CCDC14: variants seen among roughly 807,000 people sequenced by gnomAD.
CCDC14 encodes the protein coiled-coil domain containing 14, also known as coiled-coil domain-containing protein 14.
A neutral mutation model predicts 81.4 loss-of-function variants in CCDC14; 71 were observed. That is an observed-to-expected ratio of 0.87 (90% CI 0.72 to 1.06). CCDC14 has a LOEUF of 1.06. Among genes scored for constraint, CCDC14 ranks in the 50% least tolerant of loss-of-function variants. CCDC14 has a pLI of 0.00. For missense variants in CCDC14, 1,046 were observed against 1,047.3 expected, an observed-to-expected ratio of 1.00 and a Z score of 0.02; for synonymous variants, 332 against 364.8, an observed-to-expected ratio of 0.91 and a Z score of 1.03.
chr3:123,913,440 ATTTT>A lies in CCDC14; in HGVS notation c.*1335_*1338del. On this transcript the variant is annotated 3_prime_UTR_variant, in exon 13 of 13. Coordinates refer to ENST00000409697, the MANE Select transcript of CCDC14 (RefSeq NM_001366335.1). The stretch of plus-strand genomic sequence containing the variant: ...GACACAATTTTTTTCCTTTTTTATT[ATTTT>A]TTATTTCTGAACTTATTTGTTAAAG... The A allele has an allele frequency of 1.0e-6, 1 of 980,594 alleles. No homozygotes were observed. Among genetic ancestry groups the A allele is most frequent in the Non-Finnish European group, 1.2e-6 (1 of 825,720 alleles). The allele number at this position is 980,594 out of a possible 1,614,324, so 60.7% of individuals were successfully genotyped here.
At chr3:123,903,165 A>G (rs763461832) in intron 5 of CCDC14, among the ~76,000 whole-genome samples, 6 of 152,292 alleles carry the variant, frequency 3.9e-5, no homozygotes, top group Non-Finnish European at 7.3e-5. Flanking sequence ...ACAAAATGAA[A>G]CAGAAGGAAT....
chr3:123,933,281 T>C (rs1319377232), intron 10 of CCDC14, among the ~76,000 whole-genome samples: 1 of 152,200 alleles, frequency 6.6e-6, no homozygotes, highest in East Asian at 1.9e-4. Context: ...AAGAGAAAGA[T>C]GCATAATTAT....
chr3:123,925,716 G>A (rs909526112), intron 12 of CCDC14, among the ~76,000 whole-genome samples: 4 of 152,066 alleles, frequency 2.6e-5, no homozygotes, highest in Non-Finnish European at 4.4e-5. Flanking sequence ...GATTGCAGGC[G>A]GAAGCCACCA....
intron 9 of CCDC14, among the ~76,000 whole-genome samples, chr3:123,941,946 G>T (rs1460621815): frequency 2.0e-5 from 3 of 151,902 alleles, no homozygotes; most frequent in Non-Finnish European, 2.9e-5. Flanking sequence ...CTAAGTTTTG[G>T]TATCCTTATT....
In CCDC14 at chr3:123,915,548, T is replaced by A. The variant is rs2034627417; in HGVS notation, c.1949A>T (p.Glu650Val). The A allele has an allele frequency of 1.9e-6, 3 of 1,613,928 alleles. No homozygotes were observed. The highest frequency in any genetic ancestry group is 2.5e-6 in the Non-Finnish European group (3 of 1,179,908). Residue 650 changes from glutamate to valine, a missense_variant, in exon 13 of 13, where the codon GAA becomes GTA. Transcript: ENST00000409697. ...TSIMSYLNKL[E>V]TNYSFTHSEP... ...TGAATGTGTAAAACTGTAATTTGTT[T>A]CTAACTTATTTAGATAGCTCATTAT...
At chr3:123,932,720 C>G (rs982604278) in intron 10 of CCDC14, among the ~76,000 whole-genome samples, 1 of 152,112 alleles carries the variant, frequency 6.6e-6, no homozygotes, top group Non-Finnish European at 1.5e-5. Context: ...GCTCTGTGAT[C>G]ATTAAGGACA....
chr3:123,900,704 T>C (rs747217924), intron 5 of CCDC14, among the ~76,000 whole-genome samples: 33 of 152,188 alleles, frequency 2.2e-4, no homozygotes, highest in Non-Finnish European at 4.4e-5. Flanking sequence ...ATTTTTTTAA[T>C]TGTGGAAAAA....
Position 123,955,936 on chromosome 3 carries a change from A to G in CCDC14, c.259T>C (p.Ser87Pro). The change falls in exon 5 of 13, where the codon TCT becomes CCT. Residue 87 changes from serine to proline, a missense_variant. Physicochemically the swap from Ser to Pro is moderately conservative, Grantham distance 74. Coordinates refer to ENST00000409697, the MANE Select transcript of CCDC14 (RefSeq NM_001366335.1). ...GSETAYLENRSNSRPLESKRY... is the reference protein window; with the variant it reads ...GSETAYLENRPNSRPLESKRY... ...TTGCTTTCTAAAGGTCTAGAATTAG[A>G]TCTGTTTTCTAAATATGCTGTTTCT... 1 of 1,530,376 alleles carries G rather than the reference A, an allele frequency of 6.5e-7. No individual in the cohort carries two copies. The highest frequency in any genetic ancestry group is 2.5e-5 in the East Asian group (1 of 40,684). The allele number at this position is 1,530,376 out of a possible 1,614,324, so 94.8% of individuals were successfully genotyped here. A position where few individuals can be genotyped will look rare whatever the true frequency, so the allele number is the denominator to read the frequency against.
chr3:123,927,011 C>T (rs1030147014), intron 12 of CCDC14, among the ~76,000 whole-genome samples: 21 of 152,060 alleles, frequency 1.4e-4, no homozygotes, highest in African/African-American at 4.6e-4. Context: ...TAGAGATGTT[C>T]CTAACCAATT....
downstream of CCDC14, among the ~76,000 whole-genome samples, chr3:123,911,712 T>C (rs747448905): frequency 6.6e-6 from 1 of 152,144 alleles, no homozygotes; most frequent in Admixed American, 6.5e-5. Context: ...TGGCACATAT[T>C]AGAGCTTTCA....
chr3:123,932,292 C>T (rs1251467260), intron 10 of CCDC14, among the ~76,000 whole-genome samples: 1 of 152,136 alleles, frequency 6.6e-6, no homozygotes, highest in Non-Finnish European at 1.5e-5. Context: ...CTACTGATCT[C>T]CCCACTTGTC....
At chr3:123,887,603 C>A in the CCDC14 span, among the ~76,000 whole-genome samples, 1 of 152,208 alleles carries the variant, frequency 6.6e-6, no homozygotes, top group Non-Finnish European at 1.5e-5. Flanking sequence ...AGCCCTCTTT[C>A]TGGTTTGTAG....
At chr3:123,915,886 TATA>T (rs2034656006) in intron 12 of CCDC14, among the ~76,000 whole-genome samples, 168 bp from the exon 13 acceptor site, 1 of 152,036 alleles carries the variant, frequency 6.6e-6, no homozygotes, top group Admixed American at 6.6e-5. Flanking sequence ...GGCAAGAGCA[TATA>T]ATAATTAAAA....
chr3:123,925,358 G>C (rs942245381), intron 12 of CCDC14, among the ~76,000 whole-genome samples: 1 of 152,110 alleles, frequency 6.6e-6, no homozygotes, highest in African/African-American at 2.4e-5. Context: ...TATGGGAAAT[G>C]GGGAGATGTT....
chr3:123,900,017 A>AT (rs1559753507), intron 5 of CCDC14, among the ~76,000 whole-genome samples: 1 of 152,150 alleles, frequency 6.6e-6, no homozygotes, highest in African/African-American at 2.4e-5. Flanking sequence ...TGAGTAATCC[A>AT]TTTGTGTATC....
chr3:123,913,105 T>C (rs1299930714), downstream of CCDC14, among the ~76,000 whole-genome samples: 1 of 152,238 alleles, frequency 6.6e-6, no homozygotes, highest in Admixed American at 6.5e-5. Flanking sequence ...CTATGTATTC[T>C]ATCCTTATTG....
intron 12 of CCDC14, among the ~76,000 whole-genome samples, chr3:123,922,859 C>A (rs192020692): frequency 4.9e-4 from 75 of 152,172 alleles, no homozygotes; most frequent in Admixed American, 2.0e-3. Context: ...GGGAATTTTT[C>A]CAAACTTGTT....
chr3:123,952,756 G>C, intron 5 of CCDC14: 1 of 303,416 alleles, frequency 3.3e-6, no homozygotes, highest in South Asian at 3.2e-5. Context: ...TTAACATGCT[G>C]TAATAGATCG....
At chr3:123,915,842 G>C in intron 12 of CCDC14, 124 bp from the exon 13 acceptor site, 1 of 641,224 alleles carries the variant, frequency 1.6e-6, no homozygotes, top group East Asian at 2.8e-5. Context: ...ATGAAAACAA[G>C]CAACTAGAAG....
Sources: gnomAD v4.1 joint callset for allele counts (sites outside exome capture counted in the v4.1 genomes callset) on GRCh38, gnomAD v4.1.1 for gene constraint, MANE v1.5 for transcripts, NCBI Gene and HGNC (gene_info 2026-07-23, HGNC 2026-07-21) for gene names.